ARK2N: variants seen among roughly 807,000 people sequenced by gnomAD.
ARK2N encodes arkadia (RNF111) N-terminal like PKA signaling regulator 2N, also known as protein ARK2N.
At chr18:46,229,229 A>C in the ARK2N span, among the ~76,000 whole-genome samples, 2 of 152,268 alleles carry the variant, frequency 1.3e-5, no homozygotes, top group African/African-American at 4.8e-5. Context: ...GTTTTGAAAA[A>C]AAAAAATAGA....
chr18:46,219,110 T>A, the ARK2N span: 2 of 152,226 alleles, frequency 1.3e-5, no homozygotes, highest in Admixed American at 1.3e-4. Flanking sequence ...TTAATGCATA[T>A]TCTTTTAGAG....
chr18:46,242,283 A>G, the ARK2N span, among the ~76,000 whole-genome samples: 2 of 152,188 alleles, frequency 1.3e-5, no homozygotes, highest in African/African-American at 4.8e-5. Context: ...TGCTCTTCAT[A>G]TGCAGAATTC....
the ARK2N span, among the ~76,000 whole-genome samples, chr18:46,212,492 G>C: frequency 6.6e-6 from 1 of 151,936 alleles, no homozygotes; most frequent in Non-Finnish European, 1.5e-5. Context: ...CGTGAGAACT[G>C]TTTCTTACCT....
the ARK2N span, among the ~76,000 whole-genome samples, chr18:46,190,156 TA>T: frequency 6.6e-6 from 1 of 152,216 alleles, no homozygotes; most frequent in Non-Finnish European, 1.5e-5. Context: ...TCTGAAAACC[TA>T]AATAGAATTT....
chr18:46,202,295 GATTGCCCTTTTTGGGT>G, the ARK2N span, among the ~76,000 whole-genome samples: 1 of 152,110 alleles, frequency 6.6e-6, no homozygotes, highest in African/African-American at 2.4e-5. Context: ...CTCAGGATCT[GATTGCCCTTTTTGGGT>G]AGCATGCACA....
At chr18:46,252,488 A>T in the ARK2N span, among the ~76,000 whole-genome samples, 5 of 151,998 alleles carry the variant, frequency 3.3e-5, no homozygotes, top group Non-Finnish European at 4.4e-5. Flanking sequence ...GTTGGCCAGG[A>T]TGGTCTTGAT....
At chr18:46,260,822 C>G in the ARK2N span, among the ~76,000 whole-genome samples, 1 of 152,136 alleles carries the variant, frequency 6.6e-6, no homozygotes, top group Non-Finnish European at 1.5e-5. Context: ...GAGTGGAGAC[C>G]TGATTTTACT....
At chr18:46,237,146 A>C in the ARK2N span, among the ~76,000 whole-genome samples, 1 of 151,888 alleles carries the variant, frequency 6.6e-6, no homozygotes, top group African/African-American at 2.4e-5. Context: ...TATAGGTGTG[A>C]GCCACCATGC....
At chr18:46,261,661 A>AG in the ARK2N span, among the ~76,000 whole-genome samples, 1 of 152,186 alleles carries the variant, frequency 6.6e-6, no homozygotes, top group Admixed American at 6.5e-5. Flanking sequence ...AAAAGGTAGT[A>AG]GCCTCTGGGT....
chr18:46,251,289 A>G, the ARK2N span, among the ~76,000 whole-genome samples: 4 of 152,330 alleles, frequency 2.6e-5, no homozygotes, highest in African/African-American at 9.6e-5. Context: ...ACTTGGCCAC[A>G]AGCAAGGTAT....
the ARK2N span, among the ~76,000 whole-genome samples, chr18:46,220,591 T>C: frequency 6.6e-6 from 1 of 152,238 alleles, no homozygotes; most frequent in Non-Finnish European, 1.5e-5. Flanking sequence ...TTCCATGATA[T>C]ATAACAAAAT....
chr18:46,216,149 C>G, the ARK2N span: 2 of 1,614,058 alleles, frequency 1.2e-6, no homozygotes, highest in South Asian at 1.1e-5. The surrounding 1 kb of genome is among the most constrained non-coding windows in gnomAD (Gnocchi z 4.3). Flanking sequence ...AGTGACTCCT[C>G]TAATCACTGC....
At chr18:46,242,266 A>G in the ARK2N span, among the ~76,000 whole-genome samples, 2 of 152,166 alleles carry the variant, frequency 1.3e-5, no homozygotes, top group African/African-American at 4.8e-5. Flanking sequence ...AATGATTACC[A>G]ACGTTTTGCT....
chr18:46,244,815 G>A, the ARK2N span, among the ~76,000 whole-genome samples: 6 of 151,772 alleles, frequency 4.0e-5, no homozygotes, highest in African/African-American at 1.5e-4. Flanking sequence ...TGGCCAGACT[G>A]GTCTCGAATT....
At chr18:46,258,983 T>G in the ARK2N span, among the ~76,000 whole-genome samples, 1 of 152,088 alleles carries the variant, frequency 6.6e-6, no homozygotes. Flanking sequence ...CTAGCACCCT[T>G]CTGTTTACTA....
chr18:46,194,446 T>A, the ARK2N span, among the ~76,000 whole-genome samples: 1 of 151,516 alleles, frequency 6.6e-6, no homozygotes, highest in Non-Finnish European at 1.5e-5. Flanking sequence ...TAAAAGGAGC[T>A]ATTACAGAAT....
At chr18:46,226,126 CA>C in the ARK2N span, among the ~76,000 whole-genome samples, 1 of 152,124 alleles carries the variant, frequency 6.6e-6, no homozygotes, top group Non-Finnish European at 1.5e-5. Context: ...TTCCACATGT[CA>C]TTTAATAATC....
At chr18:46,208,711 A>G in the ARK2N span, among the ~76,000 whole-genome samples, 1 of 151,850 alleles carries the variant, frequency 6.6e-6, no homozygotes, top group Non-Finnish European at 1.5e-5. Flanking sequence ...CTTGTGATCC[A>G]TCCACCCTGA....
chr18:46,265,208 A>G, the ARK2N span: 1 of 152,678 alleles, frequency 6.5e-6, no homozygotes, highest in African/African-American at 2.4e-5. Context: ...ATTCATAGAG[A>G]AGAGAATAGA....
Sources: allele counts gnomAD v4.1 joint callset (sites outside exome capture counted in the v4.1 genomes callset), GRCh38; gene constraint gnomAD v4.1.1; non-coding constraint Gnocchi (gnomAD v3.1); transcripts MANE v1.5; gene names NCBI Gene and HGNC (gene_info 2026-07-23, HGNC 2026-07-21).